CLSTN2: variants seen among roughly 807,000 people sequenced by gnomAD.
CLSTN2 encodes the protein calsyntenin-2.
Under a neutral mutation model 101.2 loss-of-function variants are expected in CLSTN2, and 48 were observed. The observed-to-expected ratio is 0.47, with a 90% CI of 0.38 to 0.60. The LOEUF is 0.60. Ranked by LOEUF, CLSTN2 falls within the 20% of genes least tolerant of loss-of-function variation. The pLI is 0.00. For missense variants in CLSTN2, 1,160 were observed against 1,238.2 expected (o/e 0.94, Z 0.95); for synonymous variants, 481 against 463.6 (o/e 1.04, Z -0.48).
chr3:140,494,241 A>T (rs973982352), intron 8 of CLSTN2, among the ~76,000 whole-genome samples: 6 of 152,276 alleles, frequency 3.9e-5, no homozygotes, highest in South Asian at 4.1e-4. Flanking sequence ...TCATCTTAAC[A>T]TTCCCTCTTA....
intron 1 of CLSTN2, among the ~76,000 whole-genome samples, chr3:140,034,937 G>T (rs906714759): frequency 1.3e-5 from 2 of 152,208 alleles, no homozygotes; most frequent in East Asian, 1.9e-4. Flanking sequence ...TGTCATCCTT[G>T]TGTGGGCAAG....
intron 2 of CLSTN2, among the ~76,000 whole-genome samples, chr3:140,258,277 T>C (rs2086620404): frequency 6.6e-6 from 1 of 152,232 alleles, no homozygotes; most frequent in Non-Finnish European, 1.5e-5. Flanking sequence ...TAATTCCAGA[T>C]GCGCATTGAC....
chr3:140,032,787 G>A (rs1317726346), intron 1 of CLSTN2, among the ~76,000 whole-genome samples: 1 of 152,166 alleles, frequency 6.6e-6, no homozygotes, highest in Non-Finnish European at 1.5e-5. Flanking sequence ...TGTGACCTTG[G>A]GCAAATCCCT....
chr3:140,372,057 T>C (rs972237153), intron 2 of CLSTN2, among the ~76,000 whole-genome samples: 1 of 152,122 alleles, frequency 6.6e-6, no homozygotes. Context: ...GGTGGGGATA[T>C]CCCAAACCTG....
rs201941588 is a variant in CLSTN2 at position 140,459,501 on chromosome 3, T to G, written c.974-20T>G. On this transcript the variant is annotated intron_variant, in intron 6 of 16. Transcript: ENST00000458420. ...CACCGCATCATGACCTGTTATCCTT[T>G]CTTTCCTGACCCTCTGCAGGAGCCT... 3.9e-4 allele frequency: 629 copies of G among 1,612,422 alleles called. 2 individuals are homozygous for G. The African/African-American group carries it at 7.4e-3, about 19-fold the overall frequency.
intron 2 of CLSTN2, among the ~76,000 whole-genome samples, chr3:140,226,887 CTCTT>C (rs938315479): frequency 1.1e-4 from 16 of 152,288 alleles, no homozygotes; most frequent in South Asian, 6.2e-4. Context: ...TTTTGTGAGA[CTCTT>C]TCACTATCAT....
At chr3:139,949,978 A>G (rs1210660057) in intron 1 of CLSTN2, among the ~76,000 whole-genome samples, 1 of 152,184 alleles carries the variant, frequency 6.6e-6, no homozygotes, top group African/African-American at 2.4e-5. Context: ...TTTAATTGGA[A>G]AAGCTTTGTC....
intron 8 of CLSTN2, among the ~76,000 whole-genome samples, chr3:140,470,546 G>A (rs1232233453): frequency 1.3e-5 from 2 of 152,228 alleles, no homozygotes; most frequent in Non-Finnish European, 2.9e-5. Flanking sequence ...TGGGGCGGAA[G>A]GAGAAAGCTT....
chr3:140,198,449 A>G (rs2010676498), intron 2 of CLSTN2, among the ~76,000 whole-genome samples: 1 of 151,840 alleles, frequency 6.6e-6, no homozygotes, highest in Non-Finnish European at 1.5e-5. Flanking sequence ...GCTGGGCTGC[A>G]CTCTCCTCTG....
intron 2 of CLSTN2, among the ~76,000 whole-genome samples, chr3:140,385,501 T>C (rs943198366): frequency 6.6e-6 from 1 of 151,634 alleles, no homozygotes; most frequent in Non-Finnish European, 1.5e-5. Flanking sequence ...CCCAAGTAGC[T>C]GGGACTACAG....
At chr3:140,428,285 C>T (rs751159272) in intron 5 of CLSTN2, among the ~76,000 whole-genome samples, 3 of 151,938 alleles carry the variant, frequency 2.0e-5, no homozygotes, top group African/African-American at 4.8e-5. Context: ...ATGTTTCAAG[C>T]TGAAAAGATT....
intron 2 of CLSTN2, among the ~76,000 whole-genome samples, chr3:140,279,496 C>G (rs2086826032): frequency 6.6e-6 from 1 of 152,252 alleles, no homozygotes; most frequent in Admixed American, 6.5e-5. Context: ...TCAGTGGTGG[C>G]TATGAGCAGA....
intron 2 of CLSTN2, among the ~76,000 whole-genome samples, chr3:140,201,501 G>A (rs553214217): frequency 1.3e-5 from 2 of 152,272 alleles, no homozygotes; most frequent in Admixed American, 6.5e-5. Context: ...GCCAGGAAGG[G>A]TTAGAATGGC....
At chr3:140,525,773 A>C (rs918954165) in intron 8 of CLSTN2, among the ~76,000 whole-genome samples, 2 of 152,218 alleles carry the variant, frequency 1.3e-5, no homozygotes, top group Admixed American at 1.3e-4. Flanking sequence ...TTGATTCAAC[A>C]CATGCAAATC....
intron 1 of CLSTN2, among the ~76,000 whole-genome samples, chr3:140,113,206 C>T (rs560972106): frequency 2.6e-5 from 4 of 152,298 alleles, no homozygotes; most frequent in South Asian, 4.1e-4. Flanking sequence ...CTCCTGCCCT[C>T]GCAAGAGAGC....
At chr3:140,558,494 T>C (rs562187757) in intron 11 of CLSTN2, 146 bp from the exon 12 acceptor site, 7 of 598,388 alleles carry the variant, frequency 1.2e-5, no homozygotes, top group South Asian at 4.6e-5. Context: ...GGCTTTAAAT[T>C]TGAATGTCTG....
chr3:140,490,414 A>C (rs1160056540), intron 8 of CLSTN2, among the ~76,000 whole-genome samples: 1 of 151,254 alleles, frequency 6.6e-6, no homozygotes, highest in Admixed American at 6.6e-5. Context: ...ATCATTTTCC[A>C]CCCAGATCAG....
intron 1 of CLSTN2, among the ~76,000 whole-genome samples, chr3:140,018,018 A>G (rs1359184077): frequency 6.6e-6 from 1 of 152,196 alleles, no homozygotes. Flanking sequence ...TTTGTTTCTA[A>G]AGAAGGAAGG....
chr3:140,006,891 G>C (rs1480042583), intron 1 of CLSTN2, among the ~76,000 whole-genome samples: 2 of 151,886 alleles, frequency 1.3e-5, no homozygotes, highest in African/African-American at 4.8e-5. Context: ...AATTTAAGGA[G>C]GCACCAAAAG....
Sources: allele counts gnomAD v4.1 joint callset (sites outside exome capture counted in the v4.1 genomes callset), GRCh38; gene constraint gnomAD v4.1.1; transcripts MANE v1.5; gene names NCBI Gene and HGNC (gene_info 2026-07-23, HGNC 2026-07-21).